MBNL1: variants seen among roughly 807,000 people sequenced by gnomAD.
MBNL1 encodes muscleblind-like protein 1.
Under a neutral mutation model 42.2 loss-of-function variants are expected in MBNL1, and 8 were observed. That is an observed-to-expected ratio of 0.19 (90% CI 0.11 to 0.34). The LOEUF is 0.34. Ranked by LOEUF, MBNL1 falls within the 10% of genes least tolerant of loss-of-function variation. The pLI is 1.00. For missense variants in MBNL1, 309 were observed against 495.3 expected, an observed-to-expected ratio of 0.62 and a Z score of 3.57; for synonymous variants, 169 against 173.9, an observed-to-expected ratio of 0.97 and a Z score of 0.22.
At chr3:152,328,927 A>T (rs2082236375) in intron 2 of MBNL1, among the ~76,000 whole-genome samples, 1 of 152,340 alleles carries the variant, frequency 6.6e-6, no homozygotes, top group African/African-American at 2.4e-5. Context: ...GGCTATTTTA[A>T]TCTGTTGAAA....
chr3:152,268,943 A>C lies in MBNL1; in HGVS notation c.-939A>C, dbSNP rs1229054038. ...CGACATGCAACAGTCTTTTCACTGC[A>C]GCTGAATGAGTTGTGGCGCCCACAA... On this transcript the variant is annotated 5_prime_UTR_variant, in exon 1 of 10. Transcript: ENST00000324210. 1 of 456,132 alleles carries C rather than the reference A, an allele frequency of 2.2e-6. No individual in the cohort carries two copies. Among genetic ancestry groups the C allele is most frequent in the African/African-American group, 2.0e-5 (1 of 50,076 alleles). 28.3% of individuals were successfully genotyped at this position (456,132 alleles called of 1,614,324 possible). A position where few individuals can be genotyped will look rare whatever the true frequency, so the allele number is the denominator to read the frequency against.
intron 1 of MBNL1, among the ~76,000 whole-genome samples, chr3:152,288,718 G>A (rs1033969771): frequency 1.3e-5 from 2 of 152,058 alleles, no homozygotes; most frequent in African/African-American, 4.8e-5. Context: ...TGTCTATTTT[G>A]ATACCCTGTC....
chr3:152,455,595 T>C lies in MBNL1; in HGVS notation c.997+18T>C, dbSNP rs1732061866. Reference sequence around the variant, plus strand: ...AAGTGTTGGTAGGTGCCAGCTTTGTTTCTTGATTATCTTAAACCTATGGTG... The same window carrying C: ...AAGTGTTGGTAGGTGCCAGCTTTGTCTCTTGATTATCTTAAACCTATGGTG... On this transcript the variant is annotated intron_variant, in intron 7 of 9. Transcript: ENST00000324210. The C allele has an allele frequency of 1.2e-6, 2 of 1,612,034 alleles. No individual in the cohort carries two copies. Among genetic ancestry groups the C allele is most frequent in the Non-Finnish European group, 1.7e-6 (2 of 1,178,320 alleles).
intron 2 of MBNL1, among the ~76,000 whole-genome samples, chr3:152,317,699 TCTAA>T (rs1258877904): frequency 6.6e-6 from 1 of 152,246 alleles, no homozygotes; most frequent in Non-Finnish European, 1.5e-5. Flanking sequence ...TCTTTGAATT[TCTAA>T]CTGATTCTTA....
At chr3:152,248,565 GA>G (rs1247410834) in intron 2 of MBNL1, among the ~76,000 whole-genome samples, 7 of 150,960 alleles carry the variant, frequency 4.6e-5, no homozygotes, top group Non-Finnish European at 8.9e-5. Context: ...CTTTCAGTCT[GA>G]ATTTTCCAAG....
chr3:152,356,582 G>T (rs1452897627), intron 2 of MBNL1, among the ~76,000 whole-genome samples: 1 of 152,112 alleles, frequency 6.6e-6, no homozygotes, highest in East Asian at 1.9e-4. Context: ...TGATTCTTGT[G>T]TCTCAGTCTC....
intron 2 of MBNL1, among the ~76,000 whole-genome samples, chr3:152,254,757 T>C (rs975804450): frequency 2.0e-5 from 3 of 152,154 alleles, no homozygotes; most frequent in Non-Finnish European, 2.9e-5. Flanking sequence ...GTAACAATAA[T>C]AGCTCTGCTA....
At chr3:152,330,436 A>C (rs908833584) in intron 2 of MBNL1, among the ~76,000 whole-genome samples, 1 of 152,136 alleles carries the variant, frequency 6.6e-6, no homozygotes, top group African/African-American at 2.4e-5. Flanking sequence ...CAGGACAAAA[A>C]TCTGCCCATT....
chr3:152,252,983 C>T (rs780063187), intron 2 of MBNL1, among the ~76,000 whole-genome samples: 113 of 151,994 alleles, frequency 7.4e-4, no homozygotes, highest in Non-Finnish European at 9.9e-4. Flanking sequence ...TTTCATGTTC[C>T]GTTTTATCAC....
intron 2 of MBNL1, among the ~76,000 whole-genome samples, chr3:152,320,184 A>G (rs546769429): frequency 6.6e-6 from 1 of 152,272 alleles, no homozygotes; most frequent in African/African-American, 2.4e-5. Flanking sequence ...AATTGTGAGA[A>G]GATTTTATGT....
intron 2 of MBNL1, among the ~76,000 whole-genome samples, chr3:152,308,684 G>GA (rs2151943935): frequency 6.6e-6 from 1 of 152,258 alleles, no homozygotes; most frequent in South Asian, 2.1e-4. Flanking sequence ...AGAGCTTAAT[G>GA]AACAGCTTCT....
chr3:152,377,919 T>C (rs12630224), intron 2 of MBNL1, among the ~76,000 whole-genome samples: 54,026 of 152,064 alleles, frequency 0.36, 9,802 homozygotes, highest in Middle Eastern at 0.43. Context: ...TTTTTCTCAT[T>C]AGTGTTATAA....
At chr3:152,281,515 C>T (rs942991986) in intron 1 of MBNL1, among the ~76,000 whole-genome samples, 3 of 151,956 alleles carry the variant, frequency 2.0e-5, no homozygotes, top group African/African-American at 7.3e-5. Context: ...TATCAAATGG[C>T]CTAATCTGCC....
intron 2 of MBNL1, among the ~76,000 whole-genome samples, chr3:152,380,209 A>T (rs1455206718): frequency 6.6e-6 from 1 of 152,118 alleles, no homozygotes; most frequent in Non-Finnish European, 1.5e-5. Flanking sequence ...CATAAAGTCT[A>T]AAAGTAGGAA....
chr3:152,383,609 C>G (rs2097279474), intron 2 of MBNL1, among the ~76,000 whole-genome samples: 1 of 152,028 alleles, frequency 6.6e-6, no homozygotes, highest in East Asian at 1.9e-4. Context: ...GGAATAGCTT[C>G]CATGGAGCTT....
At chr3:152,367,993 G>GT (rs139895999) in intron 2 of MBNL1, among the ~76,000 whole-genome samples, 2,160 of 149,774 alleles carry the variant, frequency 0.014, 28 homozygotes, top group Non-Finnish European at 0.016. Flanking sequence ...ACTGATGATA[G>GT]TTTTTTTTTT....
intron 4 of MBNL1, among the ~76,000 whole-genome samples, chr3:152,444,021 G>T (rs1281222865): frequency 6.6e-6 from 1 of 152,110 alleles, no homozygotes; most frequent in African/African-American, 2.4e-5. Context: ...TGCAATCATT[G>T]TATTTATACA....
chr3:152,279,365 C>G (rs1167765181), intron 1 of MBNL1, among the ~76,000 whole-genome samples: 2 of 152,086 alleles, frequency 1.3e-5, no homozygotes, highest in Non-Finnish European at 2.9e-5. Flanking sequence ...TCAAAACCAG[C>G]ATTCCCCAAC....
intron 4 of MBNL1, among the ~76,000 whole-genome samples, chr3:152,442,383 A>G (rs2099156292): frequency 1.3e-5 from 2 of 152,234 alleles, no homozygotes; most frequent in Non-Finnish European, 2.9e-5. Flanking sequence ...TCACCAAATA[A>G]TAGCTATACT....
Sources: allele counts gnomAD v4.1 joint callset (sites outside exome capture counted in the v4.1 genomes callset), GRCh38; gene constraint gnomAD v4.1.1; transcripts MANE v1.5; gene names NCBI Gene and HGNC (gene_info 2026-07-23, HGNC 2026-07-21).